Variants in CASP5 observed in about 807,000 individuals in gnomAD.
CASP5 encodes the protein caspase 5, also known as caspase-5.
In CASP5, 42 loss-of-function variants were observed where a neutral mutation model predicts 45.2. The ratio of observed to expected loss-of-function variants is 0.93; its 90% CI spans 0.73 to 1.20. The LOEUF is 1.20. Among genes scored for constraint, CASP5 ranks in the 50% most tolerant of loss-of-function variants. The pLI, the probability that CASP5 is intolerant of heterozygous loss-of-function variation, is 0.00. For synonymous variants in CASP5, 209 were observed against 186.2 expected (o/e 1.12, Z -1.00); for missense variants, 512 against 532.2 (o/e 0.96, Z 0.37).
At chr11:105,000,693 C>T (rs1861683722) in intron 5 of CASP5, among the ~76,000 whole-genome samples, 198 bp from the exon 6 acceptor site, 1 of 151,648 alleles carries the variant, frequency 6.6e-6, no homozygotes, top group Non-Finnish European at 1.5e-5. Context: ...CTGTGGGTTC[C>T]TACTTTTTCT....
intron 1 of CASP5, among the ~76,000 whole-genome samples, chr11:105,022,414 G>T (rs1287500112): frequency 1.3e-5 from 2 of 152,010 alleles, no homozygotes; most frequent in African/African-American, 2.4e-5. Flanking sequence ...CCTTTTTCCA[G>T]TGAGGAGAAT....
rs1862141969 is a variant in CASP5 at position 105,008,980 on chromosome 11, T to C, written c.8A>G (p.Glu3Gly). 1 of 1,611,974 alleles carries C rather than the reference T, an allele frequency of 6.2e-7. No individual in the cohort carries two copies. The highest frequency in any genetic ancestry group is 1.7e-5 in the Admixed American group (1 of 59,794). Reference sequence around the variant, plus strand: ...ACGCCTTTTTTTTTTGCCACTGTCTTCTATCAGAAATATAAAGACTCCTTC... The same window carrying C: ...ACGCCTTTTTTTTTTGCCACTGTCTCCTATCAGAAATATAAAGACTCCTTC... MAEDSGKKKRRKN... is the reference protein window; with the variant it reads MAGDSGKKKRRKN... The change falls in exon 2 of 10, where the codon GAA (glutamate) becomes GGA (glycine). Residue 3 changes from glutamate (E) to glycine (G), a missense_variant and splice_region_variant. By Grantham distance (98) the Glu-to-Gly change is moderately conservative. Coordinates refer to ENST00000260315, the MANE Select transcript of CASP5 (RefSeq NM_004347.5).
At chr11:105,014,787 G>C (rs1862507218) in intron 1 of CASP5, among the ~76,000 whole-genome samples, 1 of 152,110 alleles carries the variant, frequency 6.6e-6, no homozygotes, top group Non-Finnish European at 1.5e-5. Flanking sequence ...CAGTCAAGTG[G>C]AAAGATAGAT....
rs761602214 is a variant in CASP5 at position 105,009,054 on chromosome 11, C to A, written c.8-74G>T. On this transcript the variant is annotated intron_variant, in intron 1 of 9. Coordinates refer to ENST00000260315, the MANE Select transcript of CASP5 (RefSeq NM_004347.5). Reference sequence around the variant, plus strand: ...TTTTGCCCTTGCTTTAGACAAAGCTCTGTAATGTGAAACACCCTTGAAAAT... The same window carrying A: ...TTTTGCCCTTGCTTTAGACAAAGCTATGTAATGTGAAACACCCTTGAAAAT... 1.1e-5 allele frequency: 15 copies of A among 1,357,060 alleles called. No homozygotes were observed. In the South Asian group the frequency reaches 1.3e-4, roughly 11 times the overall value. The allele number at this position is 1,357,060 out of a possible 1,614,324, so 84.1% of individuals were successfully genotyped here.
chr11:104,998,781 T>G, intron 7 of CASP5, 104 bp downstream of exon 7: 1 of 1,119,666 alleles, frequency 8.9e-7, no homozygotes, highest in Non-Finnish European at 1.3e-6. Context: ...GCACACACCA[T>G]TCTCTCAGCT....
intron 4 of CASP5, among the ~76,000 whole-genome samples, chr11:105,002,936 G>A (rs150272535): frequency 1.1e-4 from 17 of 152,206 alleles, no homozygotes; most frequent in Non-Finnish European, 1.8e-4. Flanking sequence ...TGTGGTTCCC[G>A]CCTGTAATCC....
In CASP5 at chr11:105,000,297, T is replaced by A; in HGVS notation, c.916A>T (p.Lys306Ter). The change falls in exon 6 of 10, where the codon AAA becomes TAA. Residue 306 changes from lysine to a stop codon, truncating the protein, a stop_gained. Transcript: ENST00000260315. LOFTEE classifies it high-confidence loss of function. ...GCCTGGACAATGATGACCTTGGGTT[T>A]GTCCTTTAGACTGAGGCAGTTGCGG... is the stretch of plus-strand genomic sequence containing the variant. ...NNRNCLSLKD[K>*]PKVIIVQACR... 1 of 1,614,260 alleles carries A rather than the reference T, an allele frequency of 6.2e-7. No homozygotes were observed. The highest frequency in any genetic ancestry group is 1.1e-5 in the South Asian group (1 of 91,090).
chr11:105,020,690 C>T (rs1385960197), intron 1 of CASP5, among the ~76,000 whole-genome samples: 2 of 152,058 alleles, frequency 1.3e-5, no homozygotes, highest in Non-Finnish European at 2.9e-5. Flanking sequence ...ATTCCATGCT[C>T]ATGGGTAGGA....
At chr11:105,010,161 C>T (rs1409029814) in intron 1 of CASP5, among the ~76,000 whole-genome samples, 1 of 150,750 alleles carries the variant, frequency 6.6e-6, no homozygotes, top group Non-Finnish European at 1.5e-5. Context: ...AAGCACCAGA[C>T]TCATTTTCCA....
At chr11:104,997,163 C>T (rs1366235550) in intron 8 of CASP5, among the ~76,000 whole-genome samples, 1 of 152,084 alleles carries the variant, frequency 6.6e-6, no homozygotes, top group Non-Finnish European at 1.5e-5. Flanking sequence ...AAATAGGAAG[C>T]TTATAGCTGA....
Position 105,008,967 on chromosome 11 carries a change from T to C in CASP5, c.21A>G (p.Lys7=), listed in dbSNP as rs747295390. 1.9e-6 allele frequency: 3 copies of C among 1,612,642 alleles called. No homozygotes were observed. The highest frequency in any genetic ancestry group is 2.5e-6 in the Non-Finnish European group (3 of 1,179,264). MAEDSG[K]KKRRKNFEAM... is the part of the protein sequence containing the mutation. Reference sequence around the variant, plus strand: ...CTTCAAAATTCTTACGCCTTTTTTTTTTGCCACTGTCTTCTATCAGAAATA... The same window carrying C: ...CTTCAAAATTCTTACGCCTTTTTTTCTTGCCACTGTCTTCTATCAGAAATA... Residue 7 remains lysine (K), a synonymous_variant, in exon 2 of 10, where the codon AAA becomes AAG. Coordinates refer to ENST00000260315, the MANE Select transcript of CASP5 (RefSeq NM_004347.5).
chr11:104,998,409 T>G lies in CASP5; in HGVS notation c.1096+476A>C, dbSNP rs562667193. 1.4e-3 allele frequency among the ~76,000 whole-genome samples: 212 copies of G among 152,332 alleles called. 3 individuals carry two copies. The South Asian group carries it at 0.041, about 30-fold the overall frequency. Reference sequence around the variant, plus strand: ...CTCCACCCTAACATTTCTTACCTTTTTTAAAGCTCATTCACATTTTTATCT... The same window carrying G: ...CTCCACCCTAACATTTCTTACCTTTGTTAAAGCTCATTCACATTTTTATCT... On this transcript the variant is annotated intron_variant, in intron 7 of 9. Transcript: ENST00000260315.
At chr11:105,005,746 G>A (rs1861970993) in intron 3 of CASP5, among the ~76,000 whole-genome samples, 1 of 152,110 alleles carries the variant, frequency 6.6e-6, no homozygotes, top group Admixed American at 6.6e-5. Flanking sequence ...ATCTGGGATT[G>A]CTAAAATCAT....
At chr11:105,002,382 A>T (rs1466760502) in intron 4 of CASP5, among the ~76,000 whole-genome samples, 181 bp from the exon 5 acceptor site, 1 of 152,168 alleles carries the variant, frequency 6.6e-6, no homozygotes, top group Non-Finnish European at 1.5e-5. Flanking sequence ...ATCTGGAATG[A>T]TCACTCTAGA....
chr11:104,996,003 G>T (rs1861454583), intron 8 of CASP5, among the ~76,000 whole-genome samples, 161 bp from the exon 9 acceptor site: 1 of 151,986 alleles, frequency 6.6e-6, no homozygotes, highest in South Asian at 2.1e-4. Flanking sequence ...CTACCTCTTA[G>T]AATTGACACC....
At chr11:105,011,161 A>G (rs1862327330) in intron 1 of CASP5, among the ~76,000 whole-genome samples, 1 of 151,782 alleles carries the variant, frequency 6.6e-6, no homozygotes, top group African/African-American at 2.4e-5. Context: ...AGATTTGCAA[A>G]GAGTACACAG....
At chr11:104,995,867 A>G (rs1423800282) in intron 8 of CASP5, 25 bp from the exon 9 acceptor site, 2 of 1,472,694 alleles carry the variant, frequency 1.4e-6, no homozygotes, top group Admixed American at 3.4e-5. Flanking sequence ...AGTAGATGAG[A>G]TATGAGGGAT....
At chr11:105,005,354 ATATGTGTG>A (rs1452376521) in intron 3 of CASP5, among the ~76,000 whole-genome samples, 7 of 114,010 alleles carry the variant, frequency 6.1e-5, no homozygotes, top group African/African-American at 3.3e-4. Context: ...GTGTATATAT[ATATGTGTG>A]TGTGTGTGTG....
chr11:104,998,739 G>T, intron 7 of CASP5, 146 bp downstream of exon 7: 2 of 706,466 alleles, frequency 2.8e-6, no homozygotes, highest in Admixed American at 2.8e-5. Flanking sequence ...TATTCTCACA[G>T]CACACATAAG....
Sources: gnomAD v4.1 joint callset for allele counts (sites outside exome capture counted in the v4.1 genomes callset) on GRCh38, gnomAD v4.1.1 for gene constraint, MANE v1.5 for transcripts, NCBI Gene and HGNC (gene_info 2026-07-23, HGNC 2026-07-21) for gene names.